TCN2: variants seen among roughly 807,000 people sequenced by gnomAD.
TCN2 encodes the protein transcobalamin-2.
In TCN2, 34 loss-of-function variants were observed where a neutral mutation model predicts 48.6. The observed-to-expected ratio is 0.70, with a 90% CI of 0.53 to 0.93. TCN2 has a LOEUF of 0.93. Ranked by LOEUF, TCN2 falls within the 40% of genes least tolerant of loss-of-function variation. The probability of loss-of-function intolerance (pLI) is 0.00; values close to 1 mark genes in which losing one functional copy is unlikely to be tolerated. For missense variants in TCN2, 652 were observed against 526.1 expected (o/e 1.24, Z -2.34); for synonymous variants, 283 against 212.5 (o/e 1.33, Z -2.89).
At chr22:30,610,243 G>T (rs1267947932) in intron 1 of TCN2, 1 of 471,138 alleles carries the variant, frequency 2.1e-6, no homozygotes, top group Non-Finnish European at 4.4e-6. Flanking sequence ...AGAGATGGCA[G>T]GAAAGGCGTT....
At chr22:30,618,585 G>A (rs111808252) in intron 7 of TCN2, among the ~76,000 whole-genome samples, 18,166 of 152,064 alleles carry the variant, frequency 0.12, 2,286 homozygotes, top group African/African-American at 0.3. Flanking sequence ...TCCTGAACTC[G>A]GGTGATCTGC....
At chr22:30,623,292 AT>A in intron 8 of TCN2, 1 of 481,306 alleles carries the variant, frequency 2.1e-6, no homozygotes, top group Non-Finnish European at 3.7e-6. Flanking sequence ...AACCAGACAG[AT>A]TACAAAAAAA....
At chr22:30,608,885 C>G (rs1339365631) in intron 1 of TCN2, among the ~76,000 whole-genome samples, 1 of 152,292 alleles carries the variant, frequency 6.6e-6, no homozygotes, top group South Asian at 2.1e-4. Flanking sequence ...CCCACAGGAG[C>G]CCCAATCCCT....
At chr22:30,616,745 G>A (rs1024693129) in intron 6 of TCN2, among the ~76,000 whole-genome samples, 2 of 152,154 alleles carry the variant, frequency 1.3e-5, no homozygotes, top group African/African-American at 2.4e-5. Context: ...AGGTTGCAGT[G>A]AGCCGAGATC....
At chr22:30,625,875 T>C (rs959196273) in intron 8 of TCN2, among the ~76,000 whole-genome samples, 1 of 152,134 alleles carries the variant, frequency 6.6e-6, no homozygotes, top group East Asian at 1.9e-4. Flanking sequence ...GGTTTTAACA[T>C]ATACATTTTG....
Position 30,607,383 on chromosome 22 carries a change from A to C in TCN2, c.52A>C (p.Thr18Pro). Residue 18 changes from threonine to proline, a missense_variant, in exon 1 of 9, where the codon ACT becomes CCT. Physicochemically the swap from Thr to Pro is conservative, Grantham distance 38. Transcript: ENST00000215838. ...CCTTCTGGGGGTCCTGGGGGCCCTC[A>C]CTGAGATGTGTGGTGAGTAACTCGC... Reference protein sequence around the residue: ...LFLLGVLGALTEMCEIPEMDS... With the variant: ...LFLLGVLGALPEMCEIPEMDS... 1 of 1,614,022 alleles carries C rather than the reference A, an allele frequency of 6.2e-7. No individual in the cohort carries two copies. The highest frequency in any genetic ancestry group is 1.1e-5 in the South Asian group (1 of 91,074).
In TCN2 at chr22:30,614,506, G is replaced by A; in HGVS notation, c.580+5G>A. 1 of 1,614,114 alleles carries A rather than the reference G, an allele frequency of 6.2e-7. No individual in the cohort carries two copies. The highest frequency in any genetic ancestry group is 1.1e-5 in the South Asian group (1 of 91,086). ...ACCAGGGCCACCATTCTGTGGGTGA[G>A]TAGGTCAGACCGTGCCAAGGCCAGG... On this transcript the variant is annotated splice_donor_5th_base_variant and intron_variant, in intron 4 of 8. Transcript: ENST00000215838.
intron 1 of TCN2, among the ~76,000 whole-genome samples, chr22:30,608,970 C>T (rs918326413): frequency 1.3e-5 from 2 of 152,138 alleles, no homozygotes; most frequent in Non-Finnish European, 2.9e-5. Flanking sequence ...CACCCAGCCT[C>T]ATTCCTTTAT....
intron 8 of TCN2, among the ~76,000 whole-genome samples, chr22:30,624,381 A>G (rs1410508683): frequency 6.6e-6 from 1 of 151,902 alleles, no homozygotes; most frequent in African/African-American, 2.4e-5. Flanking sequence ...GCCTGCAAAC[A>G]GACCCTTAAA....
chr22:30,626,874 T>C lies in TCN2; in HGVS notation c.*353T>C. On this transcript the variant is annotated 3_prime_UTR_variant, in exon 9 of 9. Transcript: ENST00000215838. ...CGCAGGTGTTGTGAAGACCACTCGT[T>C]CTGTGGTTGGGGTCCTGCAAGAAGG... 1 of 391,714 alleles carries C rather than the reference T, an allele frequency of 2.6e-6. No homozygotes were observed. 24.3% of individuals were successfully genotyped at this position (391,714 alleles called of 1,614,324 possible).
At chr22:30,612,239 T>G (rs1569039213) in intron 2 of TCN2, among the ~76,000 whole-genome samples, 2 of 143,962 alleles carry the variant, frequency 1.4e-5, no homozygotes, top group Admixed American at 7.2e-5. Context: ...AGAGACCCTA[T>G]CTCAGTAAAA....
chr22:30,613,064 G>T (rs781475791), intron 3 of TCN2, 22 bp downstream of exon 3: 1 of 1,613,174 alleles, frequency 6.2e-7, no homozygotes, highest in Admixed American at 1.7e-5. Flanking sequence ...CCATCCGCTG[G>T]GGGTGGGGAG....
At chr22:30,617,592 G>A (rs574335192) in intron 7 of TCN2, 97 bp downstream of exon 7, 26 of 1,526,848 alleles carry the variant, frequency 1.7e-5, no homozygotes, top group Middle Eastern at 2.3e-4. Flanking sequence ...GGGTTCCCTC[G>A]GGAGAGACAC....
intron 1 of TCN2, among the ~76,000 whole-genome samples, chr22:30,608,227 C>G (rs985686344): frequency 3.3e-5 from 5 of 152,196 alleles, no homozygotes; most frequent in Admixed American, 3.3e-4. Context: ...CCCCCATGGT[C>G]TCTTGAGACC....
chr22:30,614,761 T>G (rs2087589001), intron 4 of TCN2, among the ~76,000 whole-genome samples: 1 of 152,038 alleles, frequency 6.6e-6, no homozygotes, highest in Non-Finnish European at 1.5e-5. Context: ...ATAAAAAAGT[T>G]AGCCGGGCAT....
Position 30,607,250 on chromosome 22 carries a change from C to CTG in TCN2, c.-79_-78dup. The CTG allele has an allele frequency of 6.9e-7, 1 of 1,452,044 alleles. No homozygotes were observed. Among genetic ancestry groups the CTG allele is most frequent in the Non-Finnish European group, 9.7e-7 (1 of 1,033,038 alleles). The allele number at this position is 1,452,044 out of a possible 1,614,324, so 89.9% of individuals were successfully genotyped here. A position where few individuals can be genotyped will look rare whatever the true frequency, so the allele number is the denominator to read the frequency against. ...CTGCGTCTCTCGGAGCGGTGACCAG[C>CTG]TGTGGTCAGGAGAGCCTCAGCAGGG... is the stretch of plus-strand genomic sequence containing the variant. On this transcript the variant is annotated 5_prime_UTR_variant, in exon 1 of 9. Transcript: ENST00000215838.
chr22:30,611,197 CT>C (rs2087535523), intron 2 of TCN2, 134 bp downstream of exon 2: 2 of 1,042,384 alleles, frequency 1.9e-6, no homozygotes, highest in Non-Finnish European at 3.0e-6. Context: ...AATGGAGGAC[CT>C]TTGTCCATCT....
intron 7 of TCN2, among the ~76,000 whole-genome samples, chr22:30,620,745 CTG>C: frequency 6.6e-6 from 1 of 152,238 alleles, no homozygotes; most frequent in Non-Finnish European, 1.5e-5. Flanking sequence ...GGACTCCAGT[CTG>C]AGAAATGGTT....
chr22:30,607,638 G>C (rs181901350), intron 1 of TCN2, among the ~76,000 whole-genome samples: 1 of 152,294 alleles, frequency 6.6e-6, no homozygotes, highest in East Asian at 1.9e-4. Context: ...AGCCTTTTCT[G>C]TGTCAGGCCC....
Sources: gnomAD v4.1 joint callset for allele counts (sites outside exome capture counted in the v4.1 genomes callset) on GRCh38, gnomAD v4.1.1 for gene constraint, MANE v1.5 for transcripts, NCBI Gene and HGNC (gene_info 2026-07-23, HGNC 2026-07-21) for gene names.